The following QTGAL variants were observed in gnomAD, a reference collection of about 807,000 sequenced individuals.
The protein encoded by QTGAL is BGnT-like protein 1.
the QTGAL span, chr17:83,005,014 G>GC: frequency 1.9e-5 from 18 of 955,072 alleles, no homozygotes; most frequent in Non-Finnish European, 2.8e-5. The surrounding 1 kb of genome is among the most constrained non-coding windows in gnomAD (Gnocchi z 5.6). Context: ...AAGGACCACG[G>GC]CCCACGACGA....
chr17:83,028,341 G>A, the QTGAL span, among the ~76,000 whole-genome samples: 1,979 of 150,990 alleles, frequency 0.013, 48 homozygotes, highest in African/African-American at 0.046. Context: ...TGGCTAACAC[G>A]GTGAAACCCC....
At chr17:83,045,532 A>G in the QTGAL span, among the ~76,000 whole-genome samples, 136 of 152,382 alleles carry the variant, frequency 8.9e-4, no homozygotes, top group African/African-American at 3.2e-3. Context: ...GGCTTCTTAG[A>G]AATGACACCA....
chr17:82,986,609 T>C, the QTGAL span, among the ~76,000 whole-genome samples: 1 of 152,312 alleles, frequency 6.6e-6, no homozygotes, highest in Non-Finnish European at 1.5e-5. Context: ...TGAAAGCTGG[T>C]GAAGCAGATT....
chr17:82,977,856 G>T, the QTGAL span, among the ~76,000 whole-genome samples: 1 of 152,168 alleles, frequency 6.6e-6, no homozygotes, highest in Non-Finnish European at 1.5e-5. Context: ...GGAAACGTAC[G>T]CTCTAGTACT....
the QTGAL span, among the ~76,000 whole-genome samples, chr17:83,009,594 G>A: frequency 1.6e-4 from 25 of 152,196 alleles, no homozygotes; most frequent in South Asian, 2.1e-4. Flanking sequence ...CAGACTCCCC[G>A]TGGATTCGCC....
chr17:83,016,612 AG>A, the QTGAL span, among the ~76,000 whole-genome samples: 6 of 89,596 alleles, frequency 6.7e-5, 1 homozygote, highest in African/African-American at 2.6e-4. Context: ...ACTGAAGAGG[AG>A]GGGGGAGGAG....
the QTGAL span, among the ~76,000 whole-genome samples, chr17:82,970,646 G>A: frequency 0.14 from 5,689 of 40,222 alleles, 1,114 homozygotes; most frequent in African/African-American, 0.31. Flanking sequence ...CTCCGCACCC[G>A]GTGTGGCCGC....
the QTGAL span, among the ~76,000 whole-genome samples, chr17:82,953,919 T>C: frequency 6.6e-6 from 1 of 152,230 alleles, no homozygotes; most frequent in Non-Finnish European, 1.5e-5. Flanking sequence ...TCTCAACAGA[T>C]GCAGAAAAGG....
At chr17:83,018,358 C>T in the QTGAL span, among the ~76,000 whole-genome samples, 2 of 152,256 alleles carry the variant, frequency 1.3e-5, no homozygotes, top group African/African-American at 2.4e-5. Flanking sequence ...ACACGTGCTC[C>T]GTGAACATGT....
chr17:82,980,817 G>A, the QTGAL span, among the ~76,000 whole-genome samples: 1 of 152,150 alleles, frequency 6.6e-6, no homozygotes, highest in African/African-American at 2.4e-5. Context: ...TGCGTAGCTC[G>A]TGGGCCATTG....
chr17:83,037,037 C>G, the QTGAL span, among the ~76,000 whole-genome samples: 2 of 152,122 alleles, frequency 1.3e-5, no homozygotes, highest in Non-Finnish European at 2.9e-5. The surrounding 1 kb of genome is among the most constrained non-coding windows in gnomAD (Gnocchi z 5.2). Flanking sequence ...AAGAGGCTGG[C>G]AACACCGGAC....
chr17:83,021,220 A>G, the QTGAL span, among the ~76,000 whole-genome samples: 1,758 of 152,340 alleles, frequency 0.012, 15 homozygotes, highest in Non-Finnish European at 0.019. Flanking sequence ...CCTAGTCAGT[A>G]TAATGAACTG....
At chr17:82,958,478 G>C in the QTGAL span, among the ~76,000 whole-genome samples, 1 of 152,308 alleles carries the variant, frequency 6.6e-6, no homozygotes, top group East Asian at 1.9e-4. Context: ...TTCAGCCTCG[G>C]GATCGGGGCA....
the QTGAL span, chr17:83,014,495 C>T: frequency 5.0e-6 from 8 of 1,614,050 alleles, no homozygotes; most frequent in Middle Eastern, 1.6e-4. Context: ...TGCAGCCTCA[C>T]CCGCTGGGGC....
the QTGAL span, chr17:83,014,560 G>A: frequency 1.3e-6 from 2 of 1,596,022 alleles, no homozygotes; most frequent in South Asian, 1.1e-5. Context: ...TGTTTGCATT[G>A]ATTGATGCAT....
chr17:82,976,278 A>G, the QTGAL span, among the ~76,000 whole-genome samples: 4 of 75,254 alleles, frequency 5.3e-5, no homozygotes, highest in East Asian at 4.5e-4. Context: ...ACAGGGCCCC[A>G]GGACAGAGCC....
the QTGAL span, chr17:82,957,214 G>A: frequency 6.2e-7 from 1 of 1,614,210 alleles, no homozygotes; most frequent in Non-Finnish European, 8.5e-7. Context: ...AGCCTTTCCT[G>A]ATCTTGTTCT....
chr17:83,048,058 GCT>G, the QTGAL span, among the ~76,000 whole-genome samples: 1 of 148,880 alleles, frequency 6.7e-6, no homozygotes, highest in Non-Finnish European at 1.5e-5. Flanking sequence ...ATGGAGTCTT[GCT>G]CTGTCACCCC....
At chr17:82,998,993 G>GGCAAGGACATGGAAGAA in the QTGAL span, among the ~76,000 whole-genome samples, 2 of 151,604 alleles carry the variant, frequency 1.3e-5, no homozygotes, top group Non-Finnish European at 2.9e-5. Context: ...ATCAAGAGTT[G>GGCAAGGACATGGAAGAA]GCAAGGACAT....
Sources: gnomAD v4.1 joint callset for allele counts (sites outside exome capture counted in the v4.1 genomes callset) on GRCh38, gnomAD v4.1.1 for gene constraint, Gnocchi (gnomAD v3.1) non-coding constraint, MANE v1.5 for transcripts, NCBI Gene and HGNC (gene_info 2026-07-23, HGNC 2026-07-21) for gene names.